SLC25A26: variants seen among roughly 807,000 people sequenced by gnomAD.
The protein encoded by SLC25A26 is solute carrier family 25 member 26.
SLC25A26 carries 36 observed loss-of-function variants against 37.8 expected under a neutral mutation model. The observed-to-expected ratio is 0.95, with a 90% CI of 0.73 to 1.26. The LOEUF (loss-of-function observed/expected upper bound fraction) is 1.26, where lower values mean the gene tolerates loss of function less well. Among genes scored for constraint, SLC25A26 ranks in the 50% most tolerant of loss-of-function variants. The probability of loss-of-function intolerance (pLI) is 0.00; values close to 1 mark genes in which losing one functional copy is unlikely to be tolerated. For missense variants in SLC25A26, 390 were observed against 331.1 expected (o/e 1.18, Z -1.38); for synonymous variants, 129 against 122.5 (o/e 1.05, Z -0.35).
intron 5 of SLC25A26, among the ~76,000 whole-genome samples, chr3:66,299,850 G>C (rs2075020896): frequency 6.6e-6 from 1 of 152,152 alleles, no homozygotes; most frequent in Non-Finnish European, 1.5e-5. Context: ...ATTTGCTTCA[G>C]TTTTTCAGGG....
intron 1 of SLC25A26, among the ~76,000 whole-genome samples, chr3:66,143,198 C>T (rs969764132): frequency 2.0e-5 from 3 of 151,906 alleles, no homozygotes; most frequent in Non-Finnish European, 4.4e-5. Flanking sequence ...CCATTATATC[C>T]ATTGTATGAA....
chr3:66,255,088 C>G (rs991029269), intron 3 of SLC25A26, among the ~76,000 whole-genome samples: 1 of 152,172 alleles, frequency 6.6e-6, no homozygotes, highest in Non-Finnish European at 1.5e-5. Context: ...CCGAAGTTCA[C>G]TGGAATTTTT....
At chr3:66,190,684 C>A (rs1302564725) in intron 1 of SLC25A26, among the ~76,000 whole-genome samples, 1 of 152,216 alleles carries the variant, frequency 6.6e-6, no homozygotes, top group Non-Finnish European at 1.5e-5. Flanking sequence ...CCGCCTCAGC[C>A]TCCCAAAATG....
In SLC25A26 at chr3:66,243,306, A is replaced by G. The variant is rs377584137; in HGVS notation, c.294A>G (p.Gly98=). 3.3e-5 allele frequency: 51 copies of G among 1,563,770 alleles called. No homozygotes were observed. Among genetic ancestry groups the G allele is most frequent in the Non-Finnish European group, 4.3e-5 (49 of 1,138,272 alleles). ...AACATATGTTGGCTGCCTCTGCTGG[A>G]GAAGTGGTAAGTAACAAGTTTTGTG... ...PMKHMLAASA[G]EVVACLIRVP... The change falls in exon 3 of 10, where the codon GGA becomes GGG. Residue 98 remains glycine, a synonymous_variant. Coordinates refer to ENST00000354883, the MANE Select transcript of SLC25A26 (RefSeq NM_001379210.1).
At chr3:66,140,227 G>T (rs181351814) in intron 1 of SLC25A26, among the ~76,000 whole-genome samples, 24 of 152,272 alleles carry the variant, frequency 1.6e-4, no homozygotes, top group Middle Eastern at 3.4e-3. Context: ...AAAAGATCAG[G>T]AATTACATCT....
intron 1 of SLC25A26, among the ~76,000 whole-genome samples, chr3:66,225,491 C>A (rs555467974): frequency 6.6e-6 from 1 of 152,272 alleles, no homozygotes; most frequent in East Asian, 1.9e-4. Flanking sequence ...TCCAGGAAAT[C>A]ATTTTTTCCC....
At chr3:66,160,270 G>A (rs901008285) in intron 1 of SLC25A26, among the ~76,000 whole-genome samples, 1 of 152,138 alleles carries the variant, frequency 6.6e-6, no homozygotes, top group African/African-American at 2.4e-5. Context: ...GATTACAGGT[G>A]TGAGCCACCA....
intron 3 of SLC25A26, among the ~76,000 whole-genome samples, chr3:66,256,771 C>G (rs782742820): frequency 3.3e-5 from 5 of 152,096 alleles, no homozygotes; most frequent in Non-Finnish European, 5.9e-5. Context: ...GTGGCACACC[C>G]GTAGTCCCAG....
chr3:66,230,433 G>A (rs564382777), intron 1 of SLC25A26, among the ~76,000 whole-genome samples: 6 of 152,254 alleles, frequency 3.9e-5, no homozygotes, highest in South Asian at 2.1e-4. Flanking sequence ...TCAGGGGTGT[G>A]TGTGTGCATG....
intron 1 of SLC25A26, among the ~76,000 whole-genome samples, chr3:66,142,949 T>G (rs576794292): frequency 6.6e-6 from 1 of 152,168 alleles, no homozygotes; most frequent in Admixed American, 6.5e-5. Context: ...TTATTTTTTG[T>G]AGAGATGGGA....
At chr3:66,239,554 A>C (rs1477684026) in intron 2 of SLC25A26, among the ~76,000 whole-genome samples, 6 of 152,172 alleles carry the variant, frequency 3.9e-5, no homozygotes. Flanking sequence ...ATCTTTTTCT[A>C]AAATTATCAA....
chr3:66,250,110 C>T (rs1260172587), intron 3 of SLC25A26, among the ~76,000 whole-genome samples: 2 of 152,184 alleles, frequency 1.3e-5, no homozygotes, highest in Non-Finnish European at 2.9e-5. Context: ...TTATCTCAAC[C>T]ATATAAAAAG....
intron 5 of SLC25A26, among the ~76,000 whole-genome samples, chr3:66,286,756 T>C (rs993538961): frequency 6.6e-6 from 1 of 152,118 alleles, no homozygotes; most frequent in Non-Finnish European, 1.5e-5. Flanking sequence ...CTCAGCTCAC[T>C]GCAGCCTCCC....
At chr3:66,245,527 A>G (rs2072792160) in intron 3 of SLC25A26, among the ~76,000 whole-genome samples, 1 of 152,220 alleles carries the variant, frequency 6.6e-6, no homozygotes, top group Admixed American at 6.5e-5. Context: ...CCTTTTATCA[A>G]ATCACACTTT....
At chr3:66,278,819 A>G (rs900549640) in intron 5 of SLC25A26, among the ~76,000 whole-genome samples, 2 of 152,158 alleles carry the variant, frequency 1.3e-5, no homozygotes, top group African/African-American at 2.4e-5. Flanking sequence ...TCTCTCAACT[A>G]TACTTTCATT....
chr3:66,258,731 C>T (rs1368774157), intron 3 of SLC25A26, among the ~76,000 whole-genome samples: 1 of 151,998 alleles, frequency 6.6e-6, no homozygotes, highest in African/African-American at 2.4e-5. Flanking sequence ...GGCATGGTGG[C>T]ACCACCTACT....
At chr3:66,236,291 T>A (rs980526598) in intron 1 of SLC25A26, among the ~76,000 whole-genome samples, 1 of 151,282 alleles carries the variant, frequency 6.6e-6, no homozygotes, top group African/African-American at 2.4e-5. Flanking sequence ...TGTTTAAAAA[T>A]TTTTTTATTA....
chr3:66,350,736 C>T (rs575181186), intron 6 of SLC25A26, among the ~76,000 whole-genome samples: 1 of 151,998 alleles, frequency 6.6e-6, no homozygotes, highest in African/African-American at 2.4e-5. Context: ...GCGCGCACAC[C>T]CACACGCACA....
chr3:66,142,131 G>A (rs2070044401), intron 1 of SLC25A26, among the ~76,000 whole-genome samples: 1 of 152,136 alleles, frequency 6.6e-6, no homozygotes, highest in Admixed American at 6.5e-5. Flanking sequence ...CTATTTGGCA[G>A]TTACTCCCCA....
Sources: allele counts gnomAD v4.1 joint callset (sites outside exome capture counted in the v4.1 genomes callset), GRCh38; gene constraint gnomAD v4.1.1; transcripts MANE v1.5; gene names NCBI Gene and HGNC (gene_info 2026-07-23, HGNC 2026-07-21).